The following SLC5A8 variants were observed in gnomAD, a reference collection of about 807,000 sequenced individuals.
The protein encoded by SLC5A8 is solute carrier family 5 member 8, also known as sodium-coupled monocarboxylate transporter 1.
In SLC5A8, 55 loss-of-function variants were observed where a neutral mutation model predicts 71.9. The observed-to-expected ratio is 0.77, with a 90% CI of 0.62 to 0.96. SLC5A8 has a LOEUF of 0.96. SLC5A8 is among the 40% of genes least tolerant of loss of function. The pLI, the probability that SLC5A8 is intolerant of heterozygous loss-of-function variation, is 0.00. For missense variants in SLC5A8, 701 were observed against 745.3 expected (o/e 0.94, Z 0.69); for synonymous variants, 307 against 276.1 (o/e 1.11, Z -1.11).
At chr12:101,183,392 T>C (rs1868458973) in intron 8 of SLC5A8, among the ~76,000 whole-genome samples, 1 of 152,154 alleles carries the variant, frequency 6.6e-6, no homozygotes, top group Non-Finnish European at 1.5e-5. Context: ...CTTGAAACTG[T>C]TATCATCCAA....
intron 10 of SLC5A8, among the ~76,000 whole-genome samples, chr12:101,171,349 G>T (rs2051828203): frequency 6.6e-6 from 1 of 152,106 alleles, no homozygotes; most frequent in Non-Finnish European, 1.5e-5. Flanking sequence ...TTGCTTGAGT[G>T]GCCTTATGCC....
chr12:101,161,730 C>A (rs2051724894), intron 13 of SLC5A8, among the ~76,000 whole-genome samples: 1 of 152,196 alleles, frequency 6.6e-6, no homozygotes, highest in Non-Finnish European at 1.5e-5. Flanking sequence ...AAAGCTGAGG[C>A]TCAGTGTAGC....
Position 101,182,624 on chromosome 12 carries a change from G to C in SLC5A8, c.1165+179C>G, listed in dbSNP as rs140138097. Among the ~76,000 whole-genome samples the C allele has an allele frequency of 1.7e-3, 262 of 152,278 alleles. 2 individuals carry two copies. The highest frequency in any genetic ancestry group is 3.4e-3 in the Middle Eastern group (1 of 294). ...CTCCCAAATCTTGATTACAGATATG[G>C]TAACATTAAACATTGATACAAACAT... On this transcript the variant is annotated intron_variant, in intron 9 of 14. Transcript: ENST00000536262.
intron 3 of SLC5A8, among the ~76,000 whole-genome samples, chr12:101,197,586 A>T (rs1869241357): frequency 6.6e-6 from 1 of 152,178 alleles, no homozygotes. Context: ...TGGACAGAAC[A>T]AATAACCCAG....
rs547725023 is a variant in SLC5A8, at chr12:101,195,108, A to C, written c.524T>G (p.Phe175Cys). 1.8e-4 allele frequency: 293 copies of C among 1,614,168 alleles called. 6 individuals carry two copies. The South Asian group carries it at 3.0e-3, about 17-fold the overall frequency. The change falls in exon 4 of 15, where the codon TTC becomes TGC. Residue 175 changes from phenylalanine to cysteine, a missense_variant. Transcript: ENST00000536262. ...TCCTGGACGTACCAGTGTGCAGTAG[A>C]ATGTGCAGACCACCCCCGTTGCCAC... The part of the protein sequence containing the change: ...AVVATGVVCT[F>C]YCTLGGLKAV...
chr12:101,173,191 C>G (rs2051847178), intron 10 of SLC5A8, among the ~76,000 whole-genome samples: 1 of 152,214 alleles, frequency 6.6e-6, no homozygotes, highest in Non-Finnish European at 1.5e-5. Flanking sequence ...TAGCCGCTGG[C>G]TGCTGTATTT....
chr12:101,205,239 T>G (rs1434408336), intron 1 of SLC5A8, among the ~76,000 whole-genome samples: 1 of 152,214 alleles, frequency 6.6e-6, no homozygotes, highest in African/African-American at 2.4e-5. Flanking sequence ...TTCTGTCCTT[T>G]CCAAGGCTTG....
chr12:101,161,918 T>C (rs1593360557), intron 13 of SLC5A8, 56 bp downstream of exon 13: 2 of 1,189,542 alleles, frequency 1.7e-6, no homozygotes, highest in East Asian at 4.7e-5. Context: ...ATAAAACAGA[T>C]ACAGTAAAAA....
At chr12:101,194,529 A>T (rs1035380804) in intron 4 of SLC5A8, among the ~76,000 whole-genome samples, 1 of 152,208 alleles carries the variant, frequency 6.6e-6, no homozygotes, top group Non-Finnish European at 1.5e-5. Context: ...GCGGTGGTGC[A>T]ATCACAGCTC....
intron 10 of SLC5A8, among the ~76,000 whole-genome samples, chr12:101,175,384 G>A (rs996728389): frequency 6.6e-6 from 1 of 152,060 alleles, no homozygotes; most frequent in African/African-American, 2.4e-5. Context: ...AGAAGATGGG[G>A]TGGAAAAGTA....
At chr12:101,167,514 A>G (rs796177973) in intron 11 of SLC5A8, among the ~76,000 whole-genome samples, 1 of 152,190 alleles carries the variant, frequency 6.6e-6, no homozygotes, top group Non-Finnish European at 1.5e-5. Context: ...TTTCTAGCTC[A>G]TTTATTCCAA....
chr12:101,192,971 CT>C (rs35246165), intron 5 of SLC5A8, among the ~76,000 whole-genome samples: 6,643 of 125,786 alleles, frequency 0.053, 368 homozygotes, highest in African/African-American at 0.19. Context: ...TACCTTTTCT[CT>C]TTTTTTTTTT....
At position 101,184,165 on chromosome 12, in the gene SLC5A8, A is replaced by C; in HGVS notation, c.1021T>G (p.Phe341Val). 6.2e-7 allele frequency: 1 copy of C among 1,614,186 alleles called. No homozygotes were observed. Among genetic ancestry groups the C allele is most frequent in the Non-Finnish European group, 8.5e-7 (1 of 1,180,024 alleles). ...LQDYPGLPGL[F>V]VACAYSGTLS... ...GTCCCACTGTAAGCACAGGCCACAA[A>C]AAGTCCAGGAAGTCCTGGATAATCT... Residue 341 changes from phenylalanine to valine, a missense_variant, in exon 8 of 15, where the codon TTT (phenylalanine) becomes GTT (valine). Coordinates refer to ENST00000536262, the MANE Select transcript of SLC5A8 (RefSeq NM_145913.5).
At chr12:101,177,135 C>G (rs913621219) in intron 10 of SLC5A8, among the ~76,000 whole-genome samples, 1 of 152,026 alleles carries the variant, frequency 6.6e-6, no homozygotes, top group Non-Finnish European at 1.5e-5. Flanking sequence ...CTATGAACAA[C>G]TATACATGTA....
intron 1 of SLC5A8, among the ~76,000 whole-genome samples, chr12:101,208,390 G>T (rs1869763911): frequency 6.6e-6 from 1 of 152,148 alleles, no homozygotes; most frequent in Non-Finnish European, 1.5e-5. Context: ...CAGAATCTCA[G>T]GATTGGAGTC....
At chr12:101,160,782 C>G (rs1026092291) in intron 13 of SLC5A8, among the ~76,000 whole-genome samples, 1 of 151,868 alleles carries the variant, frequency 6.6e-6, no homozygotes, top group Non-Finnish European at 1.5e-5. Context: ...CATAGTAGAC[C>G]TAAAAGACAC....
At position 101,184,115 on chromosome 12, in the gene SLC5A8, T is replaced by A; in HGVS notation, c.1052+19A>T. 6.2e-7 allele frequency: 1 copy of A among 1,600,170 alleles called. No homozygotes were observed. Among genetic ancestry groups the A allele is most frequent in the Non-Finnish European group, 8.6e-7 (1 of 1,168,762 alleles). ...ATCCCAACAGGGAAATCATATGTTATTAGAGTCATAGTTCATACCTTAATG... is the reference window on the plus strand; with the variant it reads ...ATCCCAACAGGGAAATCATATGTTAATAGAGTCATAGTTCATACCTTAATG... On this transcript the variant is annotated intron_variant, in intron 8 of 14. Coordinates refer to ENST00000536262, the MANE Select transcript of SLC5A8 (RefSeq NM_145913.5).
At chr12:101,178,125 A>C (rs2051898117) in intron 10 of SLC5A8, among the ~76,000 whole-genome samples, 1 of 152,196 alleles carries the variant, frequency 6.6e-6, no homozygotes, top group Admixed American at 6.5e-5. Context: ...GAACACATAG[A>C]CATCAACATA....
chr12:101,178,267 A>C (rs113344678), intron 10 of SLC5A8, among the ~76,000 whole-genome samples: 3,780 of 152,264 alleles, frequency 0.025, 169 homozygotes, highest in African/African-American at 0.087. Context: ...TCAATATTTA[A>C]GCAAGATTTT....
Sources: gnomAD v4.1 joint callset for allele counts (sites outside exome capture counted in the v4.1 genomes callset) on GRCh38, gnomAD v4.1.1 for gene constraint, MANE v1.5 for transcripts, NCBI Gene and HGNC (gene_info 2026-07-23, HGNC 2026-07-21) for gene names.